The following UMAD1 variants were observed in gnomAD, a reference collection of about 807,000 sequenced individuals.
UMAD1 encodes UBAP1-MVB12-associated (UMA) domain containing 1.
UMAD1 carries 8 observed loss-of-function variants against 6.1 expected under a neutral mutation model. The observed-to-expected ratio is 1.30, with a 90% CI of 0.76 to 2.35. The LOEUF is 2.35. Among genes scored for constraint, UMAD1 ranks in the 30% most tolerant of loss-of-function variants. UMAD1 has a pLI of 0.00. For synonymous variants in UMAD1, 56 were observed against 31.4 expected, an observed-to-expected ratio of 1.78 and a Z score of -2.61; for missense variants, 130 against 78.4, an observed-to-expected ratio of 1.66 and a Z score of -2.49.
intron 3 of UMAD1, among the ~76,000 whole-genome samples, chr7:7,874,694 C>T (rs1369927027): frequency 6.6e-6 from 1 of 152,002 alleles, no homozygotes; most frequent in Non-Finnish European, 1.5e-5. Context: ...GCCTGGGTGA[C>T]AAGAGCAAAA....
intron 3 of UMAD1, among the ~76,000 whole-genome samples, chr7:7,831,969 G>C (rs902878574): frequency 6.6e-6 from 1 of 152,144 alleles, no homozygotes; most frequent in Non-Finnish European, 1.5e-5. Flanking sequence ...TTAGCCAATT[G>C]TGTGTGCAAT....
intron 3 of UMAD1, among the ~76,000 whole-genome samples, chr7:7,860,483 G>T (rs1014857071): frequency 1.3e-5 from 2 of 151,536 alleles, no homozygotes; most frequent in Non-Finnish European, 2.9e-5. Context: ...TGTCCTGGCC[G>T]AGCGTGGTGG....
intron 3 of UMAD1, among the ~76,000 whole-genome samples, chr7:7,840,101 C>T (rs958536495): frequency 6.6e-6 from 1 of 152,124 alleles, no homozygotes; most frequent in Non-Finnish European, 1.5e-5. Flanking sequence ...ATGGACCCCC[C>T]ATTTTGGGGG....
chr7:7,687,836 A>T (rs1035429614), intron 2 of UMAD1, among the ~76,000 whole-genome samples: 16 of 152,186 alleles, frequency 1.1e-4, no homozygotes, highest in Admixed American at 4.6e-4. Context: ...TGCTCTGAAA[A>T]TTTTAAGTAT....
intron 2 of UMAD1, among the ~76,000 whole-genome samples, chr7:7,751,462 A>T (rs1393560886): frequency 6.6e-6 from 1 of 152,218 alleles, no homozygotes; most frequent in Non-Finnish European, 1.5e-5. Context: ...GTGAATCTCA[A>T]TTTTGGCAGA....
At chr7:7,841,711 C>G (rs1426290064) in intron 3 of UMAD1, among the ~76,000 whole-genome samples, 1 of 152,158 alleles carries the variant, frequency 6.6e-6, no homozygotes, top group Non-Finnish European at 1.5e-5. Flanking sequence ...AAGACAATAT[C>G]AAAGAAAGAA....
At chr7:7,770,530 G>A (rs1467095578) in intron 2 of UMAD1, among the ~76,000 whole-genome samples, 1 of 152,150 alleles carries the variant, frequency 6.6e-6, no homozygotes, top group Non-Finnish European at 1.5e-5. Context: ...TGATGTTGAG[G>A]GGTGAGTCAG....
At position 7,779,252 on chromosome 7, in the gene UMAD1, C is replaced by T. The variant is rs566763035; in HGVS notation, c.83-22418C>T. Among the ~76,000 whole-genome samples the T allele has an allele frequency of 8.6e-5, 13 of 150,692 alleles. No homozygotes were observed. The South Asian group carries it at 2.1e-3, about 24-fold the overall frequency. ...GGATGATGTGAAGGCCTCATGAAAACATAAAAATTGATATAAACAGGAAGA... is the reference window on the plus strand; with the variant it reads ...GGATGATGTGAAGGCCTCATGAAAATATAAAAATTGATATAAACAGGAAGA... On this transcript the variant is annotated intron_variant, in intron 2 of 3. Transcript: ENST00000682710.
chr7:7,679,855 A>G (rs1294980021), intron 2 of UMAD1, among the ~76,000 whole-genome samples: 1 of 151,328 alleles, frequency 6.6e-6, no homozygotes, highest in South Asian at 2.1e-4. Flanking sequence ...GTGAGCTGCT[A>G]TGCCTGGCCT....
intron 3 of UMAD1, among the ~76,000 whole-genome samples, chr7:7,874,514 T>C (rs1316455679): frequency 1.3e-5 from 2 of 152,150 alleles, no homozygotes; most frequent in East Asian, 1.9e-4. Flanking sequence ...TATGATTGCA[T>C]TCATTTAAAA....
chr7:7,705,751 A>C (rs919588825), intron 2 of UMAD1, among the ~76,000 whole-genome samples: 1 of 152,188 alleles, frequency 6.6e-6, no homozygotes. Context: ...AACTCATAGA[A>C]TATAAAATAA....
chr7:7,705,336 A>G (rs1169273906), intron 2 of UMAD1, among the ~76,000 whole-genome samples: 5 of 152,264 alleles, frequency 3.3e-5, no homozygotes, highest in African/African-American at 9.6e-5. Context: ...ATGTTTAATC[A>G]TAATAACCAC....
intron 2 of UMAD1, among the ~76,000 whole-genome samples, chr7:7,752,552 T>G (rs1563178730): frequency 6.6e-6 from 1 of 152,104 alleles, no homozygotes; most frequent in South Asian, 2.1e-4. Context: ...AATTTTACAG[T>G]GATCCTAAAA....
chr7:7,698,194 A>T (rs1299354021), intron 2 of UMAD1, among the ~76,000 whole-genome samples: 1 of 152,228 alleles, frequency 6.6e-6, no homozygotes. Flanking sequence ...TTGAATTGCT[A>T]TATGCTTCAT....
At chr7:7,780,673 A>G (rs1384102813) in intron 2 of UMAD1, among the ~76,000 whole-genome samples, 1 of 152,140 alleles carries the variant, frequency 6.6e-6, no homozygotes, top group Non-Finnish European at 1.5e-5. Context: ...AACAGCACAG[A>G]TTGTTTTACA....
At chr7:7,746,406 G>A (rs1011808958) in intron 2 of UMAD1, among the ~76,000 whole-genome samples, 5 of 152,218 alleles carry the variant, frequency 3.3e-5, no homozygotes, top group African/African-American at 1.2e-4. Flanking sequence ...TTGCATTTTA[G>A]ACTATTTAAA....
chr7:7,846,329 T>A (rs1408102649), intron 3 of UMAD1, among the ~76,000 whole-genome samples: 1 of 152,192 alleles, frequency 6.6e-6, no homozygotes, highest in Non-Finnish European at 1.5e-5. Context: ...TCTTCTCCTG[T>A]TCCCTAGAAA....
rs998769659 is a variant in UMAD1 at position 7,717,945 on chromosome 7, G to A, written c.82+44492G>A. Among the ~76,000 whole-genome samples, 41 of 152,198 alleles carry A rather than the reference G, an allele frequency of 2.7e-4. 1 individual carries two copies. Among genetic ancestry groups the A allele is most frequent in the Non-Finnish European group, 1.5e-5 (1 of 68,028 alleles). On this transcript the variant is annotated intron_variant, in intron 2 of 3. Coordinates refer to ENST00000682710, the MANE Select transcript of UMAD1 (RefSeq NM_001302348.2). ...ACTTGATGTTTAATTGTAATATTAA[G>A]AGTCACAGAGTGCTGTAGATTCTGT...
chr7:7,804,274 A>G (rs1782862013), intron 3 of UMAD1, among the ~76,000 whole-genome samples: 1 of 152,256 alleles, frequency 6.6e-6, no homozygotes. Flanking sequence ...GGAAAACAAT[A>G]AAATACTTCT....
Sources: gnomAD v4.1 joint callset for allele counts (sites outside exome capture counted in the v4.1 genomes callset) on GRCh38, gnomAD v4.1.1 for gene constraint, MANE v1.5 for transcripts, NCBI Gene and HGNC (gene_info 2026-07-23, HGNC 2026-07-21) for gene names.